The following NCAM2 variants were observed in gnomAD, a reference collection of about 807,000 sequenced individuals.
NCAM2 encodes neural cell adhesion molecule 2.
Under a neutral mutation model 98.1 loss-of-function variants are expected in NCAM2, and 30 were observed. The observed-to-expected ratio is 0.31, with a 90% CI of 0.23 to 0.41. The LOEUF (loss-of-function observed/expected upper bound fraction) is 0.41, where lower values mean the gene tolerates loss of function less well. Ranked by LOEUF, NCAM2 falls within the 10% of genes least tolerant of loss-of-function variation. The pLI is 1.00. For synonymous variants in NCAM2, 368 were observed against 342.4 expected (o/e 1.07, Z -0.83); for missense variants, 867 against 1,005.8 (o/e 0.86, Z 1.87).
chr21:21,078,917 T>C (rs1474672606), intron 1 of NCAM2, among the ~76,000 whole-genome samples: 2 of 152,142 alleles, frequency 1.3e-5, no homozygotes, highest in African/African-American at 4.8e-5. Context: ...CTATCATCCT[T>C]AGCAAACTAA....
intron 1 of NCAM2, among the ~76,000 whole-genome samples, chr21:21,111,476 A>C (rs551784125): frequency 6.6e-6 from 1 of 152,178 alleles, no homozygotes; most frequent in Non-Finnish European, 1.5e-5. Context: ...TCCCACAAGA[A>C]GATCGAAGAC....
At chr21:21,224,045 G>A (rs1247175706) in intron 1 of NCAM2, among the ~76,000 whole-genome samples, 1 of 152,098 alleles carries the variant, frequency 6.6e-6, no homozygotes, top group African/African-American at 2.4e-5. Flanking sequence ...TCATTGCGGA[G>A]CTCAGAAAGT....
intron 1 of NCAM2, among the ~76,000 whole-genome samples, chr21:21,125,216 C>A (rs1194013828): frequency 6.6e-6 from 1 of 151,398 alleles, no homozygotes; most frequent in Non-Finnish European, 1.5e-5. Flanking sequence ...TGAGAACTAT[C>A]ATGAAATTTT....
chr21:21,109,103 C>A (rs2066405487), intron 1 of NCAM2, among the ~76,000 whole-genome samples: 1 of 152,030 alleles, frequency 6.6e-6, no homozygotes. Context: ...GTGAAAAGAT[C>A]AGTCATAATT....
At chr21:21,274,140 G>A (rs1013730124) in intron 1 of NCAM2, among the ~76,000 whole-genome samples, 8 of 151,512 alleles carry the variant, frequency 5.3e-5, no homozygotes, top group Non-Finnish European at 1.0e-4. Context: ...ACTCCAGCCT[G>A]GGCGACAAGA....
At chr21:21,388,460 G>A (rs1315637616) in intron 9 of NCAM2, among the ~76,000 whole-genome samples, 3 of 152,168 alleles carry the variant, frequency 2.0e-5, no homozygotes, top group African/African-American at 7.2e-5. Flanking sequence ...TCAAGAGGCA[G>A]CGCAGAGGCT....
intron 1 of NCAM2, among the ~76,000 whole-genome samples, chr21:21,042,017 A>G (rs1480436663): frequency 6.6e-6 from 1 of 152,200 alleles, no homozygotes; most frequent in South Asian, 2.1e-4. Flanking sequence ...TTTTAAGTGC[A>G]GTAGAACCCT....
intron 1 of NCAM2, among the ~76,000 whole-genome samples, chr21:21,143,971 C>T (rs1034249541): frequency 2.0e-5 from 3 of 151,926 alleles, no homozygotes; most frequent in Non-Finnish European, 2.9e-5. Flanking sequence ...TGTTTCACAA[C>T]GTTTTTTGTC....
chr21:21,363,342 G>A (rs911255709), intron 8 of NCAM2, among the ~76,000 whole-genome samples: 1 of 152,036 alleles, frequency 6.6e-6, no homozygotes, highest in African/African-American at 2.4e-5. Flanking sequence ...ATCATAAGTT[G>A]TCATATTGCA....
chr21:21,317,051 A>C, intron 5 of NCAM2, among the ~76,000 whole-genome samples: 1 of 152,166 alleles, frequency 6.6e-6, no homozygotes, highest in East Asian at 1.9e-4. Flanking sequence ...GCCATACACA[A>C]ACTCCAAGGG....
intron 1 of NCAM2, among the ~76,000 whole-genome samples, chr21:21,061,615 T>G (rs2065324959): frequency 6.7e-6 from 1 of 150,052 alleles, no homozygotes; most frequent in Admixed American, 6.6e-5. Flanking sequence ...CAGCCTATTC[T>G]TTTTGAATCT....
At chr21:21,417,815 G>A (rs1170667440) in intron 10 of NCAM2, among the ~76,000 whole-genome samples, 1 of 151,976 alleles carries the variant, frequency 6.6e-6, no homozygotes, top group Non-Finnish European at 1.5e-5. Flanking sequence ...ATTAGATAGC[G>A]AGAAAAAGTG....
chr21:21,385,556 G>C lies in NCAM2; in HGVS notation c.1195+11543G>C, dbSNP rs1035968415. The C allele has an allele frequency of 8.7e-6, 8 of 918,174 alleles. No homozygotes were observed. The African/African-American group carries it at 1.4e-4, about 16-fold the overall frequency. 56.9% of individuals were successfully genotyped at this position (918,174 alleles called of 1,614,324 possible). Reference sequence around the variant, plus strand: ...ACTGTAATAGCACTAAACTTAAGGTGTTAGAAAATTAAGCCTTTTTTTGCT... The same window carrying C: ...ACTGTAATAGCACTAAACTTAAGGTCTTAGAAAATTAAGCCTTTTTTTGCT... On this transcript the variant is annotated intron_variant, in intron 9 of 17. Transcript: ENST00000400546.
intron 15 of NCAM2, among the ~76,000 whole-genome samples, chr21:21,485,850 A>G (rs1044970172): frequency 6.6e-6 from 1 of 152,194 alleles, no homozygotes. Flanking sequence ...TTTTAAAGAG[A>G]TAGCTACAGA....
At chr21:21,054,167 C>G (rs2065167273) in intron 1 of NCAM2, among the ~76,000 whole-genome samples, 1 of 151,750 alleles carries the variant, frequency 6.6e-6, no homozygotes, top group South Asian at 2.1e-4. Context: ...ACAGTCATTG[C>G]CGAAGCTTTT....
At chr21:21,403,558 C>T (rs2076676462) in intron 9 of NCAM2, among the ~76,000 whole-genome samples, 2 of 152,218 alleles carry the variant, frequency 1.3e-5, no homozygotes, top group South Asian at 4.1e-4. Flanking sequence ...ACAGTTGTGT[C>T]CAGCATCTGC....
rs1024439284 is a variant in NCAM2 at position 21,220,521 on chromosome 21, T to C, written c.56-60057T>C. ...CAAATTCTATCATGTCACATAATGA[T>C]AAAATTACCTAAGGACACATTTTCC... On this transcript the variant is annotated intron_variant, in intron 1 of 17. Transcript: ENST00000400546. 5.3e-5 allele frequency among the ~76,000 whole-genome samples: 8 copies of C among 152,148 alleles called. No homozygotes were observed. In the South Asian group the frequency reaches 1.7e-3, roughly 31 times the overall value.
intron 1 of NCAM2, among the ~76,000 whole-genome samples, chr21:21,125,457 TAGAG>T (rs2066778627): frequency 5.4e-5 from 2 of 36,710 alleles, no homozygotes; most frequent in African/African-American, 1.3e-4. Context: ...ATTACATATA[TAGAG>T]ACAGATATAT....
At chr21:21,328,468 C>G (rs767164836) in intron 6 of NCAM2, among the ~76,000 whole-genome samples, 2 of 151,752 alleles carry the variant, frequency 1.3e-5, no homozygotes, top group African/African-American at 2.4e-5. Context: ...AGCTCCATGC[C>G]TGTTATTGCC....
Sources: allele counts gnomAD v4.1 joint callset (sites outside exome capture counted in the v4.1 genomes callset), GRCh38; gene constraint gnomAD v4.1.1; transcripts MANE v1.5; gene names NCBI Gene and HGNC (gene_info 2026-07-23, HGNC 2026-07-21).